The following EDIL3 variants were observed in gnomAD, a reference collection of about 807,000 sequenced individuals.
EDIL3 encodes the protein EGF like and discoidin domains 3.
In EDIL3, 37 loss-of-function variants were observed where a neutral mutation model predicts 67.4. The observed-to-expected ratio is 0.55, with a 90% CI of 0.42 to 0.72. The LOEUF (loss-of-function observed/expected upper bound fraction) is 0.72, where lower values mean the gene tolerates loss of function less well. Ranked by LOEUF, EDIL3 falls within the 30% of genes least tolerant of loss-of-function variation. The pLI is 0.00. For missense variants in EDIL3, 527 were observed against 586.3 expected, an observed-to-expected ratio of 0.90 and a Z score of 1.04; for synonymous variants, 195 against 196.3, an observed-to-expected ratio of 0.99 and a Z score of 0.05.
intron 9 of EDIL3, among the ~76,000 whole-genome samples, chr5:84,053,816 A>T (rs557466502): frequency 6.6e-6 from 1 of 152,346 alleles, no homozygotes; most frequent in African/African-American, 2.4e-5. Context: ...GCAAGAATTA[A>T]TAGCTTACCA....
chr5:84,083,281 GA>G (rs952758523), intron 6 of EDIL3, among the ~76,000 whole-genome samples: 2 of 152,218 alleles, frequency 1.3e-5, no homozygotes, highest in Admixed American at 1.3e-4. Flanking sequence ...ACTTCTTAGG[GA>G]TAACGGTGGT....
chr5:84,117,569 TTCTTA>T, intron 5 of EDIL3, among the ~76,000 whole-genome samples: 1 of 87,694 alleles, frequency 1.1e-5, no homozygotes, highest in Non-Finnish European at 2.7e-5. Flanking sequence ...ACAAATATAC[TTCTTA>T]TAAACATATT....
intron 9 of EDIL3, among the ~76,000 whole-genome samples, chr5:83,991,910 C>T (rs1296750030): frequency 3.3e-5 from 5 of 152,078 alleles, no homozygotes; most frequent in South Asian, 2.1e-4. Flanking sequence ...TTGCCGTCTA[C>T]GTTTGGTAGA....
chr5:84,052,405 T>G (rs1229313417), intron 9 of EDIL3, among the ~76,000 whole-genome samples: 2 of 151,938 alleles, frequency 1.3e-5, no homozygotes, highest in Non-Finnish European at 2.9e-5. Context: ...CATCAACTAA[T>G]GAGCAAAATA....
At chr5:84,345,282 A>C (rs1172647494) in intron 1 of EDIL3, among the ~76,000 whole-genome samples, 1 of 152,170 alleles carries the variant, frequency 6.6e-6, no homozygotes, top group Non-Finnish European at 1.5e-5. Context: ...CTGCCAAGGA[A>C]ATGTCATCTG....
At chr5:84,289,522 T>A (rs544734272) in intron 1 of EDIL3, among the ~76,000 whole-genome samples, 3 of 152,092 alleles carry the variant, frequency 2.0e-5, no homozygotes, top group Non-Finnish European at 4.4e-5. Context: ...CCCTTATGAC[T>A]CCTTCAGTCA....
At chr5:84,262,251 T>C (rs1035636009) in intron 1 of EDIL3, among the ~76,000 whole-genome samples, 3 of 152,146 alleles carry the variant, frequency 2.0e-5, no homozygotes, top group African/African-American at 7.2e-5. Flanking sequence ...TGGGGATGGT[T>C]CCCAGCCCTC....
chr5:84,047,134 C>A (rs1004816983), intron 9 of EDIL3, among the ~76,000 whole-genome samples: 1 of 152,094 alleles, frequency 6.6e-6, no homozygotes, highest in Admixed American at 6.6e-5. Context: ...AGGTTCCATG[C>A]ATTTTTTAAT....
intron 10 of EDIL3, among the ~76,000 whole-genome samples, chr5:83,954,338 A>G (rs780099741): frequency 6.6e-6 from 1 of 151,672 alleles, no homozygotes; most frequent in Non-Finnish European, 1.5e-5. Flanking sequence ...GCGATCCTCA[A>G]TGTTGGAGCT....
rs11748885 is a variant in EDIL3, at chr5:84,224,859, A to G, written c.226+4996T>C. On this transcript the variant is annotated intron_variant, in intron 3 of 10. Coordinates refer to ENST00000296591, the MANE Select transcript of EDIL3 (RefSeq NM_005711.5). ...TCCAAAAATTATTTGTGCAATATCA[A>G]CATACTTAGATTAAATATATCACTT... Among the ~76,000 whole-genome samples the G allele has an allele frequency of 7.7e-3, 1,169 of 151,688 alleles. 13 individuals carry two copies. The highest frequency in any genetic ancestry group is 0.014 in the Non-Finnish European group (923 of 67,580).
chr5:84,293,508 T>TA (rs1745969923), intron 1 of EDIL3, among the ~76,000 whole-genome samples: 1 of 150,726 alleles, frequency 6.6e-6, no homozygotes. Flanking sequence ...AGCGTAGACT[T>TA]ACCCATGTAG....
intron 9 of EDIL3, among the ~76,000 whole-genome samples, chr5:84,024,358 T>C (rs1745775312): frequency 6.6e-6 from 1 of 152,222 alleles, no homozygotes; most frequent in Non-Finnish European, 1.5e-5. Context: ...AAGCTTCCTT[T>C]AGCATCAAGT....
intron 4 of EDIL3, among the ~76,000 whole-genome samples, chr5:84,141,813 G>A (rs1748194059): frequency 6.7e-6 from 1 of 148,382 alleles, no homozygotes; most frequent in East Asian, 2.0e-4. Context: ...GTGTTTGATC[G>A]TCCTTCTCTT....
chr5:83,988,905 G>A (rs4282296), intron 9 of EDIL3, among the ~76,000 whole-genome samples: 125,543 of 152,084 alleles, frequency 0.83, 51,796 homozygotes, highest in East Asian at 0.89. Context: ...ACATTTCTCA[G>A]TCCCAGACCA....
intron 8 of EDIL3, among the ~76,000 whole-genome samples, chr5:84,061,645 G>A: frequency 6.6e-6 from 1 of 152,036 alleles, no homozygotes; most frequent in East Asian, 1.9e-4. Context: ...TTTCTCATCT[G>A]TAAGATGGTG....
intron 9 of EDIL3, among the ~76,000 whole-genome samples, chr5:84,033,164 T>C (rs1745958541): frequency 6.6e-6 from 1 of 152,220 alleles, no homozygotes; most frequent in African/African-American, 2.4e-5. Flanking sequence ...TCTCTGGAGA[T>C]GACAACTCCT....
rs538865539 is a variant in EDIL3 at position 84,303,259 on chromosome 5, T to C, written c.68-49047A>G. On this transcript the variant is annotated intron_variant, in intron 1 of 10. Coordinates refer to ENST00000296591, the MANE Select transcript of EDIL3 (RefSeq NM_005711.5). ...TAGCTGTAGTATATTTGGAGTATTCTTTCTGTCACTTATGTTCTGGCTTCA... is the reference window on the plus strand; with the variant it reads ...TAGCTGTAGTATATTTGGAGTATTCCTTCTGTCACTTATGTTCTGGCTTCA... Among the ~76,000 whole-genome samples the C allele has an allele frequency of 2.0e-5, 3 of 152,358 alleles. No homozygotes were observed. The East Asian group carries it at 5.8e-4, about 29-fold the overall frequency.
chr5:84,332,106 T>C (rs552012414), intron 1 of EDIL3, among the ~76,000 whole-genome samples: 13 of 152,314 alleles, frequency 8.5e-5, no homozygotes, highest in Admixed American at 7.8e-4. Context: ...TGGTGGCTCA[T>C]GCCTATAATC....
chr5:84,145,188 T>C (rs896047219), intron 4 of EDIL3, among the ~76,000 whole-genome samples: 1 of 152,160 alleles, frequency 6.6e-6, no homozygotes, highest in Non-Finnish European at 1.5e-5. Flanking sequence ...ACTAAGATTA[T>C]AGAAAAAGCA....
Sources: allele counts gnomAD v4.1 joint callset (sites outside exome capture counted in the v4.1 genomes callset), GRCh38; gene constraint gnomAD v4.1.1; transcripts MANE v1.5; gene names NCBI Gene and HGNC (gene_info 2026-07-23, HGNC 2026-07-21).